The following CACNA1I variants were observed in gnomAD, a reference collection of about 807,000 sequenced individuals.
The protein encoded by CACNA1I is voltage-dependent T-type calcium channel subunit alpha-1I.
In CACNA1I, 74 loss-of-function variants were observed where a neutral mutation model predicts 201.6. The observed-to-expected ratio is 0.37, with a 90% CI of 0.30 to 0.45. CACNA1I has a LOEUF of 0.45. CACNA1I is among the 20% of genes least tolerant of loss of function. CACNA1I has a pLI of 1.00. For missense variants in CACNA1I, 2,346 were observed against 3,138.1 expected (o/e 0.75, Z 6.03); for synonymous variants, 1,431 against 1,345.2 (o/e 1.06, Z -1.40).
rs1407103012 is a variant in CACNA1I, at chr22:39,641,200, T to C, written c.1056+18T>C. 4 of 1,604,696 alleles carry C rather than the reference T, an allele frequency of 2.5e-6. No individual in the cohort carries two copies. The highest frequency in any genetic ancestry group is 8.5e-7 in the Non-Finnish European group (1 of 1,173,236). ...TCTTCCAGGTGAGGCCATTCAGGCC[T>C]GGGGCCAGCCTGGTCCTAGAGTGGG... is the stretch of plus-strand genomic sequence containing the variant. On this transcript the variant is annotated intron_variant, in intron 6 of 36. Coordinates refer to ENST00000402142, the MANE Select transcript of CACNA1I (RefSeq NM_021096.4).
At position 39,665,693 on chromosome 22, in the gene CACNA1I, G is replaced by T; in HGVS notation, c.3978+69G>T. 6.3e-7 allele frequency: 1 copy of T among 1,582,412 alleles called. No homozygotes were observed. The highest frequency in any genetic ancestry group is 8.6e-7 in the Non-Finnish European group (1 of 1,158,182). ...GGGAAAAGGAAGTCTCAGACAGCCA[G>T]GGGAGAGACTCCACATTCCAACCTC... is the stretch of plus-strand genomic sequence containing the variant. On this transcript the variant is annotated intron_variant, in intron 22 of 36. Transcript: ENST00000402142. This position sits in a 1 kb window ranked among gnomAD's most constrained non-coding sequence, Gnocchi z 5.5.
In CACNA1I at chr22:39,679,220, CGTG is replaced by C; in HGVS notation, c.5177_5179del (p.Val1726del). 1.3e-6 allele frequency: 2 copies of C among 1,593,762 alleles called. No homozygotes were observed. Among genetic ancestry groups the C allele is most frequent in the Non-Finnish European group, 1.7e-6 (2 of 1,171,138 alleles). ...TCACCGCGCAGTTCGTGCTCATCAA[CGTG>C]GTGGTGGCTGTGCTCATGAAGCACC... On this transcript the variant is annotated inframe_deletion, in exon 32 of 37. Coordinates refer to ENST00000402142, the MANE Select transcript of CACNA1I (RefSeq NM_021096.4).
At chr22:39,606,657 C>G (rs946147332) in intron 3 of CACNA1I, among the ~76,000 whole-genome samples, 5 of 152,208 alleles carry the variant, frequency 3.3e-5, no homozygotes, top group Admixed American at 3.3e-4. Flanking sequence ...CTCAGCCTCC[C>G]GAGTAGCTGG....
At chr22:39,598,916 G>T (rs1041405431) in intron 2 of CACNA1I, among the ~76,000 whole-genome samples, 1 of 151,108 alleles carries the variant, frequency 6.6e-6, no homozygotes, top group Non-Finnish European at 1.5e-5. Flanking sequence ...ATTCCTCCCG[G>T]GAGGCATTGC....
rs564021038 is a variant in CACNA1I, at chr22:39,598,723, A to G, written c.348+461A>G. Reference sequence around the variant, plus strand: ...AGGCCAAGTTCACACCCTGCCCTAGATGCCCTTTAGGAGCGGGCCTCTGGT... The same window carrying G: ...AGGCCAAGTTCACACCCTGCCCTAGGTGCCCTTTAGGAGCGGGCCTCTGGT... On this transcript the variant is annotated intron_variant, in intron 2 of 36. Transcript: ENST00000402142. 2.0e-5 allele frequency among the ~76,000 whole-genome samples: 3 copies of G among 152,076 alleles called. No individual in the cohort carries two copies. The South Asian group carries it at 6.2e-4, about 32-fold the overall frequency.
chr22:39,669,193 C>A (rs928994216), intron 24 of CACNA1I, among the ~76,000 whole-genome samples: 23 of 152,172 alleles, frequency 1.5e-4, no homozygotes, highest in African/African-American at 5.6e-4. Flanking sequence ...GGAAGCAGGG[C>A]TGTGTGCAAC....
chr22:39,646,482 G>T, intron 7 of CACNA1I, 87 bp from the exon 8 acceptor site: 1 of 1,466,626 alleles, frequency 6.8e-7, no homozygotes, highest in Non-Finnish European at 9.1e-7. Context: ...TCTCCCTGCT[G>T]TCCCCACTCC....
chr22:39,584,466 T>C (rs2145809039), intron 1 of CACNA1I, among the ~76,000 whole-genome samples: 1 of 152,194 alleles, frequency 6.6e-6, no homozygotes, highest in South Asian at 2.1e-4. Flanking sequence ...GCAGTCAGGG[T>C]TCCTGGGGCT....
In CACNA1I at chr22:39,658,590, TTTGA is replaced by T. The variant is rs1934899411; in HGVS notation, c.2144+291_2144+294del. 1.3e-5 allele frequency among the ~76,000 whole-genome samples: 2 copies of T among 152,240 alleles called. 1 individual carries two copies. Among genetic ancestry groups the T allele is most frequent in the South Asian group, 4.1e-4 (2 of 4,824 alleles). On this transcript the variant is annotated intron_variant, in intron 11 of 36. Transcript: ENST00000402142. ...CACGTGACGTGAAGACACCAGTTAC[TTTGA>T]TTGCCACAAAGCCATAGGTACTGCT...
At chr22:39,609,562 G>T (rs1215368132) in intron 3 of CACNA1I, among the ~76,000 whole-genome samples, 1 of 152,220 alleles carries the variant, frequency 6.6e-6, no homozygotes, top group Non-Finnish European at 1.5e-5. Flanking sequence ...GGAAAGAAGG[G>T]TGAAGAGTGA....
chr22:39,670,347 G>A, intron 25 of CACNA1I, 117 bp downstream of exon 25: 1 of 1,053,268 alleles, frequency 9.5e-7, no homozygotes, highest in Admixed American at 2.6e-5. Flanking sequence ...CAGCCCCTGT[G>A]CCCAGGGCTC....
intron 28 of CACNA1I, among the ~76,000 whole-genome samples, 192 bp from the exon 29 acceptor site, chr22:39,673,771 A>G (rs1319309902): frequency 6.6e-6 from 1 of 152,090 alleles, no homozygotes; most frequent in Non-Finnish European, 1.5e-5. Flanking sequence ...TTGTGTCCAC[A>G]TGTTTTTGTG....
Position 39,666,275 on chromosome 22 carries a change from G to A in CACNA1I, c.4104+269G>A, listed in dbSNP as rs923314903. On this transcript the variant is annotated intron_variant, in intron 23 of 36. Coordinates refer to ENST00000402142, the MANE Select transcript of CACNA1I (RefSeq NM_021096.4). The surrounding 1 kb of genome is among the most constrained non-coding windows in gnomAD (Gnocchi z 4.1). The stretch of plus-strand genomic sequence containing the variant: ...ACATTGGTTCTTGGCTCCCACCCCC[G>A]ACCCAGGGACCCCTGACAGGAGTTT... Among the ~76,000 whole-genome samples the A allele has an allele frequency of 1.3e-5, 2 of 151,276 alleles. No homozygotes were observed. The highest frequency in any genetic ancestry group is 2.4e-5 in the African/African-American group (1 of 41,074).
At chr22:39,604,425 T>C (rs890290609) in intron 3 of CACNA1I, among the ~76,000 whole-genome samples, 44 of 152,172 alleles carry the variant, frequency 2.9e-4, no homozygotes, top group African/African-American at 9.9e-4. Flanking sequence ...GGGGCTGACA[T>C]GCGATGTGTG....
chr22:39,606,491 C>T (rs1933223566), intron 3 of CACNA1I, among the ~76,000 whole-genome samples: 1 of 152,254 alleles, frequency 6.6e-6, no homozygotes, highest in Non-Finnish European at 1.5e-5. Flanking sequence ...GACAAAGACC[C>T]CGTCATCATC....
At chr22:39,662,977 A>C in intron 18 of CACNA1I, 101 bp downstream of exon 18, 1 of 784,986 alleles carries the variant, frequency 1.3e-6, no homozygotes. Context: ...GCTCTCCCAG[A>C]CCACAGCGGA....
intron 29 of CACNA1I, among the ~76,000 whole-genome samples, chr22:39,675,887 AG>A (rs981139302): frequency 6.6e-6 from 1 of 152,046 alleles, no homozygotes. Context: ...TCAGGCTGGG[AG>A]GGGGGTCCCT....
In CACNA1I at chr22:39,663,763, C is replaced by T. The variant is rs1032214677; in HGVS notation, c.3519C>T (p.Asp1173=). ...CCATTATTGCCCACAAACTCTTCGA[C>T]TACGTCGTCCTGGCCTTCATCTTTC... is the stretch of plus-strand genomic sequence containing the variant. ...CQTIIAHKLF[D]YVVLAFIFLN... is the part of the protein sequence containing the mutation. The change falls in exon 19 of 37, where the codon GAC becomes GAT. Residue 1173 remains aspartate (D), a synonymous_variant. Transcript: ENST00000402142. The T allele has an allele frequency of 2.2e-5, 36 of 1,611,938 alleles. No individual in the cohort carries two copies. The highest frequency in any genetic ancestry group is 3.0e-5 in the Non-Finnish European group (35 of 1,178,690).
chr22:39,674,595 G>T (rs971382253), intron 29 of CACNA1I, among the ~76,000 whole-genome samples: 4 of 152,204 alleles, frequency 2.6e-5, no homozygotes, highest in African/African-American at 9.7e-5. Flanking sequence ...AGTGAAAGGG[G>T]AGATGTGATC....
Sources: gnomAD v4.1 joint callset for allele counts (sites outside exome capture counted in the v4.1 genomes callset) on GRCh38, gnomAD v4.1.1 for gene constraint, Gnocchi (gnomAD v3.1) non-coding constraint, MANE v1.5 for transcripts, NCBI Gene and HGNC (gene_info 2026-07-23, HGNC 2026-07-21) for gene names.